The following LRFN5 variants were observed in gnomAD, a reference collection of about 807,000 sequenced individuals.
The protein encoded by LRFN5 is leucine-rich repeat and fibronectin type-III domain-containing protein 5.
Under a neutral mutation model 45.6 loss-of-function variants are expected in LRFN5, and 24 were observed. The observed-to-expected ratio is 0.53, with a 90% CI of 0.38 to 0.74. LRFN5 has a LOEUF of 0.74. Among genes scored for constraint, LRFN5 ranks in the 30% least tolerant of loss-of-function variants. The pLI is 0.00. For missense variants in LRFN5, 776 were observed against 861.5 expected, an observed-to-expected ratio of 0.90 and a Z score of 1.24; for synonymous variants, 340 against 313.8, an observed-to-expected ratio of 1.08 and a Z score of -0.88.
chr14:41,710,060 T>C (rs1186264894), intron 1 of LRFN5, among the ~76,000 whole-genome samples: 1 of 152,050 alleles, frequency 6.6e-6, no homozygotes, highest in African/African-American at 2.4e-5. Flanking sequence ...AATTCAAATA[T>C]CATGATAGAA....
At chr14:41,704,272 A>G (rs973324490) in intron 1 of LRFN5, among the ~76,000 whole-genome samples, 2 of 152,120 alleles carry the variant, frequency 1.3e-5, no homozygotes, top group African/African-American at 4.8e-5. Flanking sequence ...CTTCCAGAGT[A>G]GCCACGTGAT....
chr14:41,686,177 T>C (rs953153312), intron 1 of LRFN5, among the ~76,000 whole-genome samples: 2 of 152,016 alleles, frequency 1.3e-5, no homozygotes, highest in African/African-American at 4.8e-5. Context: ...GAAGAGGCCC[T>C]TCACATCCCC....
At chr14:41,725,485 G>T (rs1015562030) in intron 1 of LRFN5, among the ~76,000 whole-genome samples, 1 of 152,296 alleles carries the variant, frequency 6.6e-6, no homozygotes. Context: ...ATTGTCCACT[G>T]CCTGACAGAT....
rs774188973 is a variant in LRFN5 at position 41,886,678 on chromosome 14, A to G, written c.53A>G (p.Gln18Arg). The G allele has an allele frequency of 1.2e-6, 2 of 1,610,398 alleles. No individual in the cohort carries two copies. The highest frequency in any genetic ancestry group is 1.7e-6 in the Non-Finnish European group (2 of 1,179,114). ...LFLIGIAVKAQICPKRCVCQI... is the reference protein window; with the variant it reads ...LFLIGIAVKARICPKRCVCQI... Reference sequence around the variant, plus strand: ...CTCATTGGCATAGCAGTGAAAGCTCAGATCTGTCCAAAGCGTTGTGTCTGT... The same window carrying G: ...CTCATTGGCATAGCAGTGAAAGCTCGGATCTGTCCAAAGCGTTGTGTCTGT... The change falls in exon 3 of 6, where the codon CAG becomes CGG. Residue 18 changes from glutamine (Q) to arginine (R), a missense_variant. By Grantham distance (43) the Gln-to-Arg change is conservative. Coordinates refer to ENST00000298119, the MANE Select transcript of LRFN5 (RefSeq NM_152447.5).
intron 3 of LRFN5, among the ~76,000 whole-genome samples, chr14:41,889,232 AT>A (rs200381528): frequency 8.6e-5 from 13 of 150,670 alleles, no homozygotes; most frequent in African/African-American, 1.9e-4. Flanking sequence ...AATGAGAGTA[AT>A]TTTTTTTTAA....
intron 1 of LRFN5, among the ~76,000 whole-genome samples, chr14:41,687,475 T>A (rs1335386221): frequency 2.6e-5 from 4 of 152,148 alleles, no homozygotes; most frequent in African/African-American, 4.8e-5. Context: ...GATCCAGCAA[T>A]CTCATTACTT....
At chr14:41,770,185 T>G (rs1018170649) in intron 2 of LRFN5, among the ~76,000 whole-genome samples, 3 of 152,158 alleles carry the variant, frequency 2.0e-5, no homozygotes, top group Non-Finnish European at 2.9e-5. Context: ...GAGGTATCTA[T>G]CCCCATGATC....
intron 1 of LRFN5, among the ~76,000 whole-genome samples, chr14:41,635,774 G>T (rs1879277595): frequency 6.6e-6 from 1 of 152,146 alleles, no homozygotes; most frequent in Non-Finnish European, 1.5e-5. Flanking sequence ...TACTGCTTCA[G>T]TATAGGACAT....
chr14:41,719,917 A>G (rs769160765), intron 1 of LRFN5, among the ~76,000 whole-genome samples: 7 of 152,036 alleles, frequency 4.6e-5, no homozygotes, highest in Admixed American at 6.6e-5. Context: ...TATCTGAACT[A>G]TCTCTCCATA....
intron 1 of LRFN5, among the ~76,000 whole-genome samples, chr14:41,753,888 T>C (rs201236708): frequency 6.6e-6 from 1 of 151,620 alleles, no homozygotes; most frequent in Non-Finnish European, 1.5e-5. Flanking sequence ...ATTCAGTATA[T>C]TGGCTGTGGG....
At position 41,891,871 on chromosome 14, in the gene LRFN5, C is replaced by G. The variant is rs1308767711; in HGVS notation, c.2007C>G (p.Asn669Lys). Residue 669 changes from asparagine to lysine, a missense_variant, in exon 4 of 6, where the codon AAC becomes AAG. By Grantham distance (94) the Asn-to-Lys change is moderately conservative. Transcript: ENST00000298119. ...AVTNVESQNT[N>K]RNNSTALQLA... ...CAAATGTTGAATCCCAAAACACTAACAGGAACAACTCAACTGCCTTGCAGT... is the reference window on the plus strand; with the variant it reads ...CAAATGTTGAATCCCAAAACACTAAGAGGAACAACTCAACTGCCTTGCAGT... 1 of 1,614,068 alleles carries G rather than the reference C, an allele frequency of 6.2e-7. No individual in the cohort carries two copies. The highest frequency in any genetic ancestry group is 1.3e-5 in the African/African-American group (1 of 74,930).
At chr14:41,883,316 A>T (rs1174919410) in intron 2 of LRFN5, among the ~76,000 whole-genome samples, 1 of 151,542 alleles carries the variant, frequency 6.6e-6, no homozygotes, top group Admixed American at 6.6e-5. Flanking sequence ...ATTACTTTCT[A>T]TATTTATTCC....
chr14:41,642,329 C>T (rs1359654215), intron 1 of LRFN5, among the ~76,000 whole-genome samples: 3 of 152,128 alleles, frequency 2.0e-5, no homozygotes, highest in African/African-American at 7.2e-5. Flanking sequence ...ACCTGAATTC[C>T]ACTCTTTCTC....
chr14:41,629,541 C>T (rs1348833481), intron 1 of LRFN5, among the ~76,000 whole-genome samples: 3 of 152,160 alleles, frequency 2.0e-5, no homozygotes, highest in Non-Finnish European at 2.9e-5. Flanking sequence ...GTCAGTGTAG[C>T]CGATACAAAT....
rs1030134999 is a variant in LRFN5, at chr14:41,862,351, T to C, written c.-20-24255T>C. On this transcript the variant is annotated intron_variant, in intron 2 of 5. Transcript: ENST00000298119. ...AATCACCCAGTACTTTATGTGATTT[T>C]ATTTACCTAGTGTTACTCTTGTGAC... Among the ~76,000 whole-genome samples, 3 of 152,362 alleles carry C rather than the reference T, an allele frequency of 2.0e-5. No individual in the cohort carries two copies. In the South Asian group the frequency reaches 6.2e-4, roughly 32 times the overall value.
rs59129586 is a variant in LRFN5 at position 41,704,448 on chromosome 14, C to CTGTGTGTGTGTGTGTGTGTGTGTG, written c.-196-62393_-196-62392insGTGTGTGTGTGTGTGTGTGTGTGT. ...TCTCTCTCTCTCTCTCTCTCTCTCT[C>CTGTGTGTGTGTGTGTGTGTGTGTG]TGTGTGTGTGTGTCTGTGAGATTTG... On this transcript the variant is annotated intron_variant, in intron 1 of 5. Transcript: ENST00000298119. Among the ~76,000 whole-genome samples the CTGTGTGTGTGTGTGTGTGTGTGTG allele has an allele frequency of 7.3e-3, 911 of 124,214 alleles. 33 individuals carry two copies. Among genetic ancestry groups the CTGTGTGTGTGTGTGTGTGTGTGTG allele is most frequent in the African/African-American group, 0.033 (847 of 25,894 alleles). The allele number at this position is 124,214 out of a possible 152,430, so 81.5% of individuals were successfully genotyped here.
chr14:41,637,495 C>A (rs1409466182), intron 1 of LRFN5, among the ~76,000 whole-genome samples: 1 of 151,866 alleles, frequency 6.6e-6, no homozygotes, highest in Non-Finnish European at 1.5e-5. Flanking sequence ...GTGTTGAATT[C>A]TTAAAGAGCT....
intron 1 of LRFN5, among the ~76,000 whole-genome samples, chr14:41,760,729 A>G (rs994960267): frequency 1.8e-4 from 27 of 151,808 alleles, no homozygotes; most frequent in Non-Finnish European, 1.8e-4. Flanking sequence ...AGGGATAGAG[A>G]GAAGAAAGAG....
At chr14:41,837,421 A>C (rs1594452930) in intron 2 of LRFN5, among the ~76,000 whole-genome samples, 1 of 152,112 alleles carries the variant, frequency 6.6e-6, no homozygotes, top group African/African-American at 2.4e-5. Context: ...TTGGCTTCTT[A>C]GTCTCCTTAC....
Sources: allele counts gnomAD v4.1 joint callset (sites outside exome capture counted in the v4.1 genomes callset), GRCh38; gene constraint gnomAD v4.1.1; transcripts MANE v1.5; gene names NCBI Gene and HGNC (gene_info 2026-07-23, HGNC 2026-07-21).